Variants in HSD17B2 observed in about 807,000 individuals in gnomAD.
HSD17B2 encodes the protein hydroxysteroid 17-beta dehydrogenase 2, also known as 17-beta-hydroxysteroid dehydrogenase type 2.
HSD17B2 carries 32 observed loss-of-function variants against 26.9 expected under a neutral mutation model. That is an observed-to-expected ratio of 1.19 (90% CI 0.90 to 1.60). HSD17B2 has a LOEUF of 1.60. HSD17B2 is among the 40% of genes most tolerant of loss of function. The probability of loss-of-function intolerance (pLI) is 0.00; values close to 1 mark genes in which losing one functional copy is unlikely to be tolerated. For synonymous variants in HSD17B2, 246 were observed against 186.7 expected, an observed-to-expected ratio of 1.32 and a Z score of -2.59; for missense variants, 613 against 468.6, an observed-to-expected ratio of 1.31 and a Z score of -2.85.
At chr16:82,043,683 T>TAA (rs1913831493) in intron 1 of HSD17B2, among the ~76,000 whole-genome samples, 1 of 17,338 alleles carries the variant, frequency 5.8e-5, no homozygotes, top group African/African-American at 5.7e-4. Flanking sequence ...AAACTCTGTC[T>TAA]CAAAAAAAAA....
intron 1 of HSD17B2, among the ~76,000 whole-genome samples, chr16:82,047,021 A>G (rs1390976096): frequency 6.6e-6 from 1 of 152,218 alleles, no homozygotes; most frequent in African/African-American, 2.4e-5. Context: ...TGACCCAAGC[A>G]CCTTCCGCAT....
chr16:82,037,452 A>G (rs2143907309), intron 1 of HSD17B2, among the ~76,000 whole-genome samples: 1 of 152,332 alleles, frequency 6.6e-6, no homozygotes, highest in South Asian at 2.1e-4. Flanking sequence ...TTGGCTTATG[A>G]TAACATAGAT....
rs190973426 is a variant in HSD17B2, at chr16:82,079,551, C to T, written c.664+8424C>T. On this transcript the variant is annotated intron_variant, in intron 3 of 4. Transcript: ENST00000199936. The stretch of plus-strand genomic sequence containing the variant: ...AAGGTTCTATCTTCAAATGCAGTCA[C>T]GTTCCAAGATACTGGAGGTTAGTAC... Among the ~76,000 whole-genome samples the T allele has an allele frequency of 4.8e-4, 73 of 152,270 alleles. No homozygotes were observed. The East Asian group carries it at 0.012, about 26-fold the overall frequency.
rs1443152802 is a variant in HSD17B2 at position 82,059,745 on chromosome 16, G to C, written c.266-8425G>C. Among the ~76,000 whole-genome samples, 5 of 152,266 alleles carry C rather than the reference G, an allele frequency of 3.3e-5. No homozygotes were observed. The East Asian group carries it at 9.7e-4, about 29-fold the overall frequency. ...CCGGGACAGTACAGGAATGTGTTTT[G>C]CAAAGAGCAAACCTGGGTTTCACGG... On this transcript the variant is annotated intron_variant, in intron 1 of 4. Transcript: ENST00000199936.
intron 2 of HSD17B2, among the ~76,000 whole-genome samples, chr16:82,070,509 A>G (rs8191167): frequency 0.082 from 12,536 of 152,252 alleles, 1,734 homozygotes; most frequent in African/African-American, 0.28. Flanking sequence ...CTTTAGACAT[A>G]CAGAGCCTCC....
At position 82,035,565 on chromosome 16, in the gene HSD17B2, C is replaced by A. The variant is rs754127430; in HGVS notation, c.141C>A (p.Val47=). Residue 47 remains valine (V), a synonymous_variant, in exon 1 of 5, where the codon GTC becomes GTA. Transcript: ENST00000199936. Reference sequence around the variant, plus strand: ...TCTGCCTGGCAGGCCTCTGTGCAGTCTGCCTGCTCATCCTGTCCCCTTTTT... The same window carrying A: ...TCTGCCTGGCAGGCCTCTGTGCAGTATGCCTGCTCATCCTGTCCCCTTTTT... ...WMVCLAGLCA[V]CLLILSPFWG... The A allele has an allele frequency of 6.2e-7, 1 of 1,614,128 alleles. No homozygotes were observed. Among genetic ancestry groups the A allele is most frequent in the Non-Finnish European group, 8.5e-7 (1 of 1,180,036 alleles).
chr16:82,096,577 C>T (rs187513541), intron 4 of HSD17B2: 4 of 151,884 alleles, frequency 2.6e-5, no homozygotes, highest in Non-Finnish European at 4.4e-5. Flanking sequence ...AAAAATTATA[C>T]GTGTGTATGC....
At chr16:82,052,813 A>G (rs1049161376) in intron 1 of HSD17B2, among the ~76,000 whole-genome samples, 1 of 152,228 alleles carries the variant, frequency 6.6e-6, no homozygotes, top group African/African-American at 2.4e-5. Context: ...AAAAAAGCAT[A>G]ACAGACTGGG....
chr16:82,050,596 C>T (rs577137905), intron 1 of HSD17B2, among the ~76,000 whole-genome samples: 4 of 152,178 alleles, frequency 2.6e-5, no homozygotes, highest in East Asian at 1.9e-4. Flanking sequence ...AACTTTTGCC[C>T]AAGACCAGAA....
At chr16:82,060,455 G>C (rs537243641) in intron 1 of HSD17B2, among the ~76,000 whole-genome samples, 1 of 152,312 alleles carries the variant, frequency 6.6e-6, no homozygotes, top group South Asian at 2.1e-4. Context: ...GAGGTCCTCA[G>C]CCTCAGCTGA....
intron 2 of HSD17B2, among the ~76,000 whole-genome samples, chr16:82,069,617 G>A (rs1412863236): frequency 1.3e-5 from 2 of 152,126 alleles, no homozygotes; most frequent in Non-Finnish European, 2.9e-5. Context: ...GCTTCTGAGG[G>A]TTGCATCTGC....
chr16:82,045,085 C>T (rs7206573), intron 1 of HSD17B2, among the ~76,000 whole-genome samples: 14,391 of 143,528 alleles, frequency 0.1, 2,239 homozygotes, highest in African/African-American at 0.34. Context: ...ATCACACCAC[C>T]GCACTCCAGC....
intron 1 of HSD17B2, chr16:82,063,350 T>A (rs1914494341): frequency 1.3e-5 from 2 of 152,216 alleles, no homozygotes; most frequent in Non-Finnish European, 2.9e-5. Context: ...AAATATTAAC[T>A]GACACAGGTA....
intron 1 of HSD17B2, among the ~76,000 whole-genome samples, chr16:82,055,097 G>A (rs1018035383): frequency 6.6e-6 from 1 of 152,220 alleles, no homozygotes; most frequent in African/African-American, 2.4e-5. Flanking sequence ...ATTGTCAAAT[G>A]TTCCCTGGGG....
chr16:82,066,155 T>C (rs1174408536), intron 1 of HSD17B2, among the ~76,000 whole-genome samples: 1 of 152,216 alleles, frequency 6.6e-6, no homozygotes, highest in Non-Finnish European at 1.5e-5. Flanking sequence ...AAGACAGGTG[T>C]CTATCACATG....
intron 3 of HSD17B2, among the ~76,000 whole-genome samples, chr16:82,087,083 T>C (rs1382952526): frequency 6.6e-6 from 1 of 152,190 alleles, no homozygotes; most frequent in Non-Finnish European, 1.5e-5. Context: ...GATTAGGGCT[T>C]TGAGATAGGA....
chr16:82,035,835 G>A, intron 1 of HSD17B2, 146 bp downstream of exon 1: 1 of 876,684 alleles, frequency 1.1e-6, no homozygotes, highest in Non-Finnish European at 1.7e-6. Context: ...TCATGACACT[G>A]TTTTCGTTCC....
intron 1 of HSD17B2, among the ~76,000 whole-genome samples, chr16:82,060,623 T>C (rs975503336): frequency 9.9e-5 from 15 of 152,246 alleles, no homozygotes; most frequent in African/African-American, 3.6e-4. Context: ...ATCACATCCT[T>C]TTACTGATAG....
rs1324442090 is a variant in HSD17B2, at chr16:82,098,418, C to T, written c.1146C>T (p.Tyr382=). Residue 382 remains tyrosine, a synonymous_variant, in exon 5 of 5, where the codon TAC becomes TAT. Transcript: ENST00000199936. ...CCAGAGCTCTAAGAATGCCTAACTA[C>T]AAGAAAAAGGCCACCTAGGCAATGG... ...PMPRALRMPN[Y]KKKAT 2.5e-6 allele frequency: 4 copies of T among 1,602,148 alleles called. No individual in the cohort carries two copies. The highest frequency in any genetic ancestry group is 2.2e-5 in the East Asian group (1 of 44,728).
Sources: allele counts gnomAD v4.1 joint callset (sites outside exome capture counted in the v4.1 genomes callset), GRCh38; gene constraint gnomAD v4.1.1; transcripts MANE v1.5; gene names NCBI Gene and HGNC (gene_info 2026-07-23, HGNC 2026-07-21).